Variants in ERCC3 observed in about 807,000 individuals in gnomAD.
ERCC3 encodes the protein general transcription and DNA repair factor IIH helicase/translocase subunit XPB.
Under a neutral mutation model 94.2 loss-of-function variants are expected in ERCC3, and 66 were observed. The ratio of observed to expected loss-of-function variants is 0.70; its 90% CI spans 0.57 to 0.86. The LOEUF (loss-of-function observed/expected upper bound fraction) is 0.86. Ranked by LOEUF, ERCC3 falls within the 40% of genes least tolerant of loss-of-function variation. ERCC3 has a pLI of 0.00. For missense variants in ERCC3, 829 were observed against 987.1 expected, an observed-to-expected ratio of 0.84 and a Z score of 2.15; for synonymous variants, 349 against 369.1, an observed-to-expected ratio of 0.95 and a Z score of 0.63.
rs1291248471 is a variant in ERCC3 at position 127,271,373 on chromosome 2, T to C, written c.1908A>G (p.Glu636=). 1 of 1,614,156 alleles carries C rather than the reference T, an allele frequency of 6.2e-7. No homozygotes were observed. Among genetic ancestry groups the C allele is most frequent in the Admixed American group, 1.7e-5 (1 of 60,014 alleles). ...GAAGCACCCGCCCTAGCCTTTGGGC[T>C]TCCTGACGCCTGGAGCCACCATGGG... is the stretch of plus-strand genomic sequence containing the variant. The part of the protein sequence containing the change: ...ISSHGGSRRQ[E]AQRLGRVLRA... Residue 636 remains glutamate (E), a synonymous_variant, in exon 12 of 15, where the codon GAA becomes GAG. Transcript: ENST00000285398. This position sits in a 1 kb window ranked among gnomAD's most constrained non-coding sequence, Gnocchi z 5.0.
intron 8 of ERCC3, among the ~76,000 whole-genome samples, chr2:127,281,628 A>G (rs1475516177): frequency 6.6e-6 from 1 of 152,212 alleles, no homozygotes. Context: ...ACAAAAATCT[A>G]AGGAAAAAGA....
Position 127,279,182 on chromosome 2 carries a change from C to CGG in ERCC3, c.1720_1721insCC (p.Arg574ProfsTer3), listed in dbSNP as rs1558956666. 1 of 1,610,236 alleles carries CGG rather than the reference C, an allele frequency of 6.2e-7. No individual in the cohort carries two copies. Among genetic ancestry groups the CGG allele is most frequent in the Non-Finnish European group, 8.5e-7 (1 of 1,176,510 alleles). ...AGTTTTCAATTCTTACTTGTTCAGT[C>CGG]GAATGGCATATTCCTTTAGGGCAAA... On this transcript the variant is annotated frameshift_variant, in exon 10 of 15. Coordinates refer to ENST00000285398, the MANE Select transcript of ERCC3 (RefSeq NM_000122.2). LOFTEE classifies it high-confidence loss of function. This position sits in a 1 kb window ranked among gnomAD's most constrained non-coding sequence, Gnocchi z 4.7.
intron 8 of ERCC3, among the ~76,000 whole-genome samples, chr2:127,283,503 T>G (rs1411411100): frequency 6.6e-6 from 1 of 152,228 alleles, no homozygotes; most frequent in Non-Finnish European, 1.5e-5. Flanking sequence ...GATGAGCACC[T>G]GGGTTTTGGA....
chr2:127,287,517 C>A (rs538117955), intron 7 of ERCC3, among the ~76,000 whole-genome samples: 17 of 152,162 alleles, frequency 1.1e-4, no homozygotes, highest in African/African-American at 3.9e-4. Flanking sequence ...GCCTATAATC[C>A]CGGTCACTTG....
Position 127,290,214 on chromosome 2 carries a change from A to C in ERCC3, c.521+10T>G. The C allele has an allele frequency of 1.2e-6, 2 of 1,612,092 alleles. No individual in the cohort carries two copies. The highest frequency in any genetic ancestry group is 1.7e-6 in the Non-Finnish European group (2 of 1,178,144). ...GTGCCTTGGGACAGGCCTGTCATGG[A>C]ATCTCTTACCTGTTGTGCTTCAAGA... On this transcript the variant is annotated intron_variant, in intron 4 of 14. Transcript: ENST00000285398.
rs1423048236 is a variant in ERCC3, at chr2:127,288,734, G to A, written c.953C>T (p.Pro318Leu). ...IDLKPTAVLRPYQEKSLRKMF... is the reference protein window; with the variant it reads ...IDLKPTAVLRLYQEKSLRKMF... ...CTTTCGCAAGCTCTTCTCCTGATAG[G>A]GTCTGAGGACAGCTGTGGGCTTTAG... Residue 318 changes from proline to leucine, a missense_variant, in exon 7 of 15, where the codon CCC becomes CTC. Pro to Leu is a moderately conservative substitution (Grantham distance 98). Coordinates refer to ENST00000285398, the MANE Select transcript of ERCC3 (RefSeq NM_000122.2). 1.9e-6 allele frequency: 3 copies of A among 1,614,110 alleles called. No homozygotes were observed. Among genetic ancestry groups the A allele is most frequent in the Non-Finnish European group, 1.7e-6 (2 of 1,180,026 alleles).
Position 127,277,933 on chromosome 2 carries a change from C to A in ERCC3, c.1730+1240G>T, listed in dbSNP as rs1319545031. ...GATCATCAAGAAATTACTACATAAG[C>A]TATTGCTTAGAAAGATGAAGGCTGG... On this transcript the variant is annotated intron_variant, in intron 10 of 14. Coordinates refer to ENST00000285398, the MANE Select transcript of ERCC3 (RefSeq NM_000122.2). The surrounding 1 kb of genome is among the most constrained non-coding windows in gnomAD (Gnocchi z 5.1). Among the ~76,000 whole-genome samples the A allele has an allele frequency of 6.6e-6, 1 of 151,964 alleles. No individual in the cohort carries two copies. Among genetic ancestry groups the A allele is most frequent in the Non-Finnish European group, 1.5e-5 (1 of 67,980 alleles).
intron 12 of ERCC3, among the ~76,000 whole-genome samples, chr2:127,269,710 C>T (rs761578149): frequency 6.0e-5 from 9 of 151,116 alleles, no homozygotes; most frequent in African/African-American, 1.9e-4. Flanking sequence ...CGTGAGCCAC[C>T]GCGCCTGGCC....
Position 127,280,857 on chromosome 2 carries a change from TG to T in ERCC3, c.1343-227del. 1 of 568,804 alleles carries T rather than the reference TG, an allele frequency of 1.8e-6. No individual in the cohort carries two copies. Among genetic ancestry groups the T allele is most frequent in the East Asian group, 2.8e-5 (1 of 35,400 alleles). 35.2% of individuals were successfully genotyped at this position (568,804 alleles called of 1,614,324 possible). A position where few individuals can be genotyped will look rare whatever the true frequency, so the allele number is the denominator to read the frequency against. ...TGTCACTTTTTCAAATGCTCATAGC[TG>T]TGCAACTTAACACTGGCTTATGACA... is the stretch of plus-strand genomic sequence containing the variant. On this transcript the variant is annotated intron_variant, in intron 8 of 14. Coordinates refer to ENST00000285398, the MANE Select transcript of ERCC3 (RefSeq NM_000122.2). The surrounding 1 kb of genome is among the most constrained non-coding windows in gnomAD (Gnocchi z 6.3).
intron 8 of ERCC3, among the ~76,000 whole-genome samples, chr2:127,281,600 T>G (rs1252380102): frequency 6.6e-6 from 1 of 152,136 alleles, no homozygotes; most frequent in Non-Finnish European, 1.5e-5. Context: ...GCTAATGATA[T>G]TTCAGAAATA....
At chr2:127,281,923 C>T (rs1300044493) in intron 8 of ERCC3, among the ~76,000 whole-genome samples, 1 of 152,180 alleles carries the variant, frequency 6.6e-6, no homozygotes, top group Non-Finnish European at 1.5e-5. Context: ...CTACACCAAC[C>T]CAGTGTGGGC....
chr2:127,294,113 C>G lies in ERCC3; in HGVS notation c.-32G>C, dbSNP rs759901125. The G allele has an allele frequency of 1.9e-6, 3 of 1,603,268 alleles. No homozygotes were observed. The highest frequency in any genetic ancestry group is 2.2e-5 in the East Asian group (1 of 44,604). On this transcript the variant is annotated 5_prime_UTR_variant, in exon 1 of 15. Transcript: ENST00000285398. ...TACAGCAGCAGAGAGAAGATGACCC[C>G]GCTCCCACAGGCCCGCCGCGGCATC...
intron 12 of ERCC3, chr2:127,261,646 T>C (rs914490089): frequency 7.6e-6 from 3 of 392,442 alleles, no homozygotes; most frequent in East Asian, 1.1e-4. Context: ...GACAAATTAA[T>C]TATAAATGAG....
intron 8 of ERCC3, among the ~76,000 whole-genome samples, chr2:127,282,614 C>T (rs772315158): frequency 2.0e-5 from 3 of 152,162 alleles, no homozygotes; most frequent in Non-Finnish European, 2.9e-5. Flanking sequence ...ACACAGCAGA[C>T]GTTAAGACAG....
At position 127,277,965 on chromosome 2, in the gene ERCC3, G is replaced by T. The variant is rs1040822597; in HGVS notation, c.1730+1208C>A. ...TTAGAAAGATGAAGGCTGGCCAGGT[G>T]TGGTGGCTCATGACTCTAATCCCAG... On this transcript the variant is annotated intron_variant, in intron 10 of 14. Coordinates refer to ENST00000285398, the MANE Select transcript of ERCC3 (RefSeq NM_000122.2). This position sits in a 1 kb window ranked among gnomAD's most constrained non-coding sequence, Gnocchi z 5.1. 2.6e-5 allele frequency among the ~76,000 whole-genome samples: 4 copies of T among 152,058 alleles called. No homozygotes were observed. Among genetic ancestry groups the T allele is most frequent in the African/African-American group, 9.7e-5 (4 of 41,406 alleles).
At position 127,271,309 on chromosome 2, in the gene ERCC3, G is replaced by A. The variant is rs1354368981; in HGVS notation, c.1945+27C>T. ...AGTGGTTTAAGAGGAGTGACCTCCT[G>A]CAACAGAAGATGAAAGGCCACTTTA... On this transcript the variant is annotated intron_variant, in intron 12 of 14. Coordinates refer to ENST00000285398, the MANE Select transcript of ERCC3 (RefSeq NM_000122.2). The surrounding 1 kb of genome is among the most constrained non-coding windows in gnomAD (Gnocchi z 5.0). 6.0e-6 allele frequency: 9 copies of A among 1,496,154 alleles called. No individual in the cohort carries two copies. The highest frequency in any genetic ancestry group is 8.4e-6 in the Non-Finnish European group (9 of 1,072,536). 92.7% of individuals were successfully genotyped at this position (1,496,154 alleles called of 1,614,324 possible).
chr2:127,280,741 G>T lies in ERCC3; in HGVS notation c.1343-110C>A, dbSNP rs1684883356. 5.8e-6 allele frequency: 6 copies of T among 1,029,410 alleles called. 1 individual carries two copies. In the South Asian group the frequency reaches 8.8e-5, roughly 15 times the overall value. 63.8% of individuals were successfully genotyped at this position (1,029,410 alleles called of 1,614,324 possible). ...GGGGTCTCATTATATTGCCCAGGCT[G>T]GTCTTGAACTCCTGGCCTCAAGCAA... On this transcript the variant is annotated intron_variant, in intron 8 of 14. Transcript: ENST00000285398. This position sits in a 1 kb window ranked among gnomAD's most constrained non-coding sequence, Gnocchi z 6.3.
rs752107242 is a variant in ERCC3 at position 127,292,745 on chromosome 2, A to G, written c.336T>C (p.His112=). Residue 112 remains histidine, a synonymous_variant, in exon 3 of 15, where the codon CAT becomes CAC. Transcript: ENST00000285398. Reference sequence around the variant, plus strand: ...AGGCAGTTAGTTTGTACTCATGCACATGGGTTGGTCGGCACACTGGCTCTG... The same window carrying G: ...AGGCAGTTAGTTTGTACTCATGCACGTGGGTTGGTCGGCACACTGGCTCTG... ...AIAEPVCRPT[H]VHEYKLTAYS... The G allele has an allele frequency of 1.5e-5, 24 of 1,613,918 alleles. No homozygotes were observed. The highest frequency in any genetic ancestry group is 1.9e-5 in the Non-Finnish European group (23 of 1,180,004).
At position 127,277,684 on chromosome 2, in the gene ERCC3, C is replaced by T. The variant is rs987348117; in HGVS notation, c.1730+1489G>A. Among the ~76,000 whole-genome samples the T allele has an allele frequency of 9.9e-5, 15 of 151,410 alleles. No homozygotes were observed. Among genetic ancestry groups the T allele is most frequent in the Admixed American group, 3.9e-4 (6 of 15,212 alleles). The stretch of plus-strand genomic sequence containing the variant: ...CCAGCCTGGCAACAGAGCAAGACTC[C>T]GTCTCAAAAAAAAAAGGAAAATGTA... On this transcript the variant is annotated intron_variant, in intron 10 of 14. Coordinates refer to ENST00000285398, the MANE Select transcript of ERCC3 (RefSeq NM_000122.2). This position sits in a 1 kb window ranked among gnomAD's most constrained non-coding sequence, Gnocchi z 5.1.
Sources: allele counts gnomAD v4.1 joint callset (sites outside exome capture counted in the v4.1 genomes callset), GRCh38; gene constraint gnomAD v4.1.1; non-coding constraint Gnocchi (gnomAD v3.1); transcripts MANE v1.5; gene names NCBI Gene and HGNC (gene_info 2026-07-23, HGNC 2026-07-21).